Variants in LINGO1 observed in about 807,000 individuals in gnomAD.
LINGO1 encodes leucine rich repeat and Ig domain containing 1, also known as leucine-rich repeat and immunoglobulin-like domain-containing nogo receptor-interacting protein 1.
Under a neutral mutation model 37.3 loss-of-function variants are expected in LINGO1, and 11 were observed. That is an observed-to-expected ratio of 0.29 (90% CI 0.19 to 0.49). The LOEUF is 0.49. Ranked by LOEUF, LINGO1 falls within the 20% of genes least tolerant of loss-of-function variation. LINGO1 has a pLI of 0.99. For synonymous variants in LINGO1, 387 were observed against 403.0 expected (o/e 0.96, Z 0.48); for missense variants, 585 against 878.2 (o/e 0.67, Z 4.22).
chr15:77,700,281 T>C (rs1450667252), upstream of LINGO1, among the ~76,000 whole-genome samples: 6 of 152,172 alleles, frequency 3.9e-5, no homozygotes, highest in African/African-American at 1.4e-4. Context: ...ATAAGAGCAT[T>C]GCAGAGAAAC....
chr15:77,718,882 G>C (rs1404852171), intron 2 of LINGO1, among the ~76,000 whole-genome samples: 1 of 150,808 alleles, frequency 6.6e-6, no homozygotes, highest in African/African-American at 2.4e-5. Context: ...TCCTCAACCA[G>C]GTGGTAGGGC....
chr15:77,681,816 G>A (rs1196767682), intron 2 of LINGO1, among the ~76,000 whole-genome samples: 1 of 152,026 alleles, frequency 6.6e-6, no homozygotes, highest in Non-Finnish European at 1.5e-5. Context: ...CCAGGTGAGG[G>A]GTGAGCACCA....
At chr15:77,716,192 C>T (rs2075982090) in intron 2 of LINGO1, among the ~76,000 whole-genome samples, 1 of 135,470 alleles carries the variant, frequency 7.4e-6, no homozygotes, top group Non-Finnish European at 1.7e-5. Context: ...TGTAGCCAGG[C>T]AGTGTGGCCC....
At chr15:77,637,006 C>T (rs552960198), upstream of LINGO1, among the ~76,000 whole-genome samples, 1 of 152,310 alleles carries the variant, frequency 6.6e-6, no homozygotes, top group African/African-American at 2.4e-5. The surrounding 1 kb of genome is among the most constrained non-coding windows in gnomAD (Gnocchi z 4.6). Context: ...TAGAGCCTTC[C>T]TGCCCCCTCC....
rs183827093 is a variant in LINGO1, at chr15:77,813,852, A to G, written c.-458+6406T>C. 3.1e-4 allele frequency among the ~76,000 whole-genome samples: 47 copies of G among 152,282 alleles called. No homozygotes were observed. The Middle Eastern group carries it at 0.01, about 33-fold the overall frequency. ...GACAGTGAGCTGTCTAAGGTTATAC[A>G]CCTTACACAAAGAAAGGGCCAGGGC... On this transcript the variant is annotated intron_variant, in intron 1 of 5. Transcript: ENST00000562933.
At chr15:77,759,869 A>AG (rs2076457068) in intron 1 of LINGO1, among the ~76,000 whole-genome samples, 2 of 152,366 alleles carry the variant, frequency 1.3e-5, no homozygotes, top group Admixed American at 1.3e-4. Flanking sequence ...AAACATGCTG[A>AG]GCGCTCTGCC....
intron 2 of LINGO1, among the ~76,000 whole-genome samples, chr15:77,734,090 G>A (rs534464395): frequency 2.0e-5 from 3 of 152,252 alleles, no homozygotes; most frequent in South Asian, 2.1e-4. Context: ...GCCCTGGGCC[G>A]TGCGGCAAGT....
At chr15:77,699,738 C>G (rs79247715), upstream of LINGO1, among the ~76,000 whole-genome samples, 1 of 284 alleles carries the variant, frequency 3.5e-3, no homozygotes, top group Admixed American at 0.036. Context: ...ACATACTAAC[C>G]ATCACCTGCA....
Position 77,644,356 on chromosome 15 carries a change from C to G in LINGO1, c.-12-28456G>C, listed in dbSNP as rs868857462. Among the ~76,000 whole-genome samples, 6 of 152,222 alleles carry G rather than the reference C, an allele frequency of 3.9e-5. No homozygotes were observed. The South Asian group carries it at 1.2e-3, about 31-fold the overall frequency. Reference sequence around the variant, plus strand: ...GCTGTGCCCTCTCTCTCTATCCCTTCTCTGCCCAGGCCATCCTGGAAGCAC... The same window carrying G: ...GCTGTGCCCTCTCTCTCTATCCCTTGTCTGCCCAGGCCATCCTGGAAGCAC... On this transcript the variant is annotated intron_variant, in intron 3 of 3. Transcript: ENST00000559893.
At chr15:77,761,030 G>A (rs1306028873) in intron 1 of LINGO1, among the ~76,000 whole-genome samples, 3 of 147,554 alleles carry the variant, frequency 2.0e-5, no homozygotes, top group Non-Finnish European at 3.0e-5. Flanking sequence ...AGAATCAGGT[G>A]ATTCTTTCGC....
At chr15:77,652,956 G>A (rs1010707838) in intron 3 of LINGO1, among the ~76,000 whole-genome samples, 1 of 152,240 alleles carries the variant, frequency 6.6e-6, no homozygotes, top group African/African-American at 2.4e-5. Context: ...AGTGGGTGTA[G>A]GGCCACACAG....
At chr15:77,757,360 G>C (rs1265131633) in intron 1 of LINGO1, among the ~76,000 whole-genome samples, 1 of 152,176 alleles carries the variant, frequency 6.6e-6, no homozygotes, top group African/African-American at 2.4e-5. Context: ...CCATGCACAG[G>C]GTTTGACTCC....
chr15:77,629,247 C>A (rs2074182181), intron 1 of LINGO1, among the ~76,000 whole-genome samples: 3 of 152,212 alleles, frequency 2.0e-5, no homozygotes, highest in Non-Finnish European at 4.4e-5. Context: ...GTTGTCAGCA[C>A]AGCTCTACTG....
intron 2 of LINGO1, among the ~76,000 whole-genome samples, chr15:77,721,620 TCCCCAGTGCCTA>T (rs2076050903): frequency 6.6e-6 from 1 of 152,154 alleles, no homozygotes; most frequent in African/African-American, 2.4e-5. Flanking sequence ...TACTATTGTA[TCCCCAGTGCCTA>T]CCACAGTGCT....
chr15:77,757,595 C>T (rs938259471), intron 1 of LINGO1, among the ~76,000 whole-genome samples: 2 of 152,204 alleles, frequency 1.3e-5, no homozygotes, highest in African/African-American at 2.4e-5. Context: ...ATGGTATTTT[C>T]CTTGCAGGGT....
At position 77,613,949 on chromosome 15, in the gene LINGO1, A is replaced by T; in HGVS notation, c.*95T>A. ...AGAAAGAGAACGTGTGTAGAAGGGT[A>T]GGGAGGAGGTGGGAAGGACTGGAGA... is the stretch of plus-strand genomic sequence containing the variant. On this transcript the variant is annotated 3_prime_UTR_variant, in exon 2 of 2. Transcript: ENST00000355300. The T allele has an allele frequency of 1.0e-6, 1 of 983,030 alleles. No homozygotes were observed. Among genetic ancestry groups the T allele is most frequent in the Non-Finnish European group, 1.5e-6 (1 of 671,840 alleles). The allele number at this position is 983,030 out of a possible 1,614,324, so 60.9% of individuals were successfully genotyped here.
intron 1 of LINGO1, among the ~76,000 whole-genome samples, chr15:77,776,530 G>GGAAAGCAGGAAGGCAGGAAAGC (rs2076653137): frequency 1.4e-4 from 5 of 34,512 alleles, no homozygotes; most frequent in Non-Finnish European, 2.6e-4. Context: ...GGGAGGAAGG[G>GGAAAGCAGGAAGGCAGGAAAGC]AGGGAGGGAG....
chr15:77,713,517 C>T (rs550372761), intron 2 of LINGO1, among the ~76,000 whole-genome samples: 2 of 143,994 alleles, frequency 1.4e-5, no homozygotes, highest in African/African-American at 2.5e-5. Context: ...CAGGGTTGGG[C>T]GGGGAGGGGT....
intron 1 of LINGO1, among the ~76,000 whole-genome samples, chr15:77,799,076 G>A (rs1456820365): frequency 2.0e-5 from 3 of 152,140 alleles, no homozygotes; most frequent in African/African-American, 7.2e-5. Context: ...CAGGGTCAGG[G>A]TCACACAGAA....
Sources: gnomAD v4.1 joint callset for allele counts (sites outside exome capture counted in the v4.1 genomes callset) on GRCh38, gnomAD v4.1.1 for gene constraint, Gnocchi (gnomAD v3.1) non-coding constraint, MANE v1.5 for transcripts, NCBI Gene and HGNC (gene_info 2026-07-23, HGNC 2026-07-21) for gene names.